ASIC2: variants seen among roughly 807,000 people sequenced by gnomAD.
The protein encoded by ASIC2 is acid-sensing ion channel 2.
Under a neutral mutation model 57.3 loss-of-function variants are expected in ASIC2, and 25 were observed. The observed-to-expected ratio is 0.44, with a 90% CI of 0.32 to 0.61. ASIC2 has a LOEUF of 0.61. Ranked by LOEUF, ASIC2 falls within the 20% of genes least tolerant of loss-of-function variation. The probability of loss-of-function intolerance (pLI) is 0.06; values close to 1 mark genes in which losing one functional copy is unlikely to be tolerated. For missense variants in ASIC2, 641 were observed against 738.1 expected (o/e 0.87, Z 1.52); for synonymous variants, 319 against 307.5 (o/e 1.04, Z -0.39).
At chr17:33,759,896 T>C (rs1281707677) in intron 1 of ASIC2, among the ~76,000 whole-genome samples, 2 of 152,150 alleles carry the variant, frequency 1.3e-5, no homozygotes. Context: ...CAGAGACTTG[T>C]TGCAGGGGTA....
intron 1 of ASIC2, among the ~76,000 whole-genome samples, chr17:34,024,357 G>A (rs1308854200): frequency 6.6e-6 from 1 of 152,232 alleles, no homozygotes; most frequent in Non-Finnish European, 1.5e-5. Flanking sequence ...TGCACAAGTG[G>A]ATCTTGGAGA....
At chr17:33,703,321 C>CTTTTTCT (rs10627497) in intron 1 of ASIC2, among the ~76,000 whole-genome samples, 19,380 of 143,518 alleles carry the variant, frequency 0.14, 1,314 homozygotes, top group Non-Finnish European at 0.15. Context: ...GTTTCTTTTT[C>CTTTTTCT]TTTTTTTTTT....
intron 3 of ASIC2, among the ~76,000 whole-genome samples, chr17:33,047,307 A>T (rs1347336062): frequency 6.6e-6 from 1 of 151,930 alleles, no homozygotes; most frequent in Non-Finnish European, 1.5e-5. Context: ...CATGTCTCAC[A>T]TGGGGCGGAG....
chr17:33,897,621 C>T (rs1027504575), intron 1 of ASIC2, among the ~76,000 whole-genome samples: 1 of 152,244 alleles, frequency 6.6e-6, no homozygotes, highest in African/African-American at 2.4e-5. Context: ...GCACTTGCAG[C>T]AAATGTACCC....
intron 1 of ASIC2, among the ~76,000 whole-genome samples, chr17:33,856,916 C>T (rs1380685246): frequency 6.6e-6 from 1 of 152,018 alleles, no homozygotes; most frequent in East Asian, 1.9e-4. Flanking sequence ...GGGTGACCTA[C>T]TGAGGAGTGT....
chr17:33,078,069 C>T (rs1451180086), intron 3 of ASIC2, among the ~76,000 whole-genome samples: 3 of 152,146 alleles, frequency 2.0e-5, no homozygotes, highest in Non-Finnish European at 4.4e-5. Flanking sequence ...TAACGTGACA[C>T]TGGGCAGCAG....
chr17:33,577,898 T>C (rs1010376612), intron 1 of ASIC2, among the ~76,000 whole-genome samples: 4 of 152,192 alleles, frequency 2.6e-5, no homozygotes, highest in Non-Finnish European at 5.9e-5. Flanking sequence ...GGTGTGTTCC[T>C]GGTGCTTGAG....
chr17:33,358,616 T>C (rs1313154977), intron 1 of ASIC2, among the ~76,000 whole-genome samples: 3 of 152,242 alleles, frequency 2.0e-5, no homozygotes, highest in Non-Finnish European at 4.4e-5. Context: ...TGAAACTCAT[T>C]ATTAAATAAG....
At chr17:33,311,012 G>T (rs1445121828) in intron 1 of ASIC2, among the ~76,000 whole-genome samples, 1 of 152,142 alleles carries the variant, frequency 6.6e-6, no homozygotes, top group Non-Finnish European at 1.5e-5. Flanking sequence ...ACACAGACCT[G>T]CCAGAGCCCC....
At chr17:33,266,034 C>T (rs1909445640) in intron 1 of ASIC2, among the ~76,000 whole-genome samples, 1 of 152,180 alleles carries the variant, frequency 6.6e-6, no homozygotes, top group Admixed American at 6.5e-5. Context: ...AGTTCCTTCC[C>T]ACCCAGAGCC....
intron 1 of ASIC2, among the ~76,000 whole-genome samples, chr17:33,626,815 T>G (rs527657224): frequency 6.6e-6 from 1 of 152,308 alleles, no homozygotes; most frequent in East Asian, 1.9e-4. Flanking sequence ...ATGCACCATT[T>G]CAGCGGCTTC....
intron 1 of ASIC2, among the ~76,000 whole-genome samples, chr17:33,533,288 G>A (rs1368503175): frequency 6.6e-6 from 1 of 151,632 alleles, no homozygotes; most frequent in Admixed American, 6.6e-5. Context: ...AGAGGTGGCA[G>A]TGAGCCAAAA....
chr17:33,774,500 C>T lies in ASIC2; in HGVS notation c.555+381478G>A, dbSNP rs183793605. Among the ~76,000 whole-genome samples the T allele has an allele frequency of 2.3e-3, 355 of 152,288 alleles. 5 individuals are homozygous for T. The highest frequency in any genetic ancestry group is 8.3e-3 in the African/African-American group (343 of 41,548). ...GTCACCACAGCTCATTTCAAGATGG[C>T]TGCTCCACCTCAGCCTGCCATCTCT... On this transcript the variant is annotated intron_variant, in intron 1 of 9. Coordinates refer to the ASIC2 transcript ENST00000359872.
chr17:33,323,034 AGAG>A (rs1279855630), intron 1 of ASIC2, among the ~76,000 whole-genome samples: 1 of 152,244 alleles, frequency 6.6e-6, no homozygotes, highest in African/African-American at 2.4e-5. Flanking sequence ...ACAAATAACC[AGAG>A]AATAATTTAA....
At chr17:33,851,689 T>G (rs1913769185) in intron 1 of ASIC2, among the ~76,000 whole-genome samples, 1 of 152,330 alleles carries the variant, frequency 6.6e-6, no homozygotes, top group South Asian at 2.1e-4. Flanking sequence ...AGCTCATCCC[T>G]GGCCTCTACC....
At chr17:33,150,948 T>A (rs1904766010) in intron 1 of ASIC2, among the ~76,000 whole-genome samples, 1 of 151,756 alleles carries the variant, frequency 6.6e-6, no homozygotes, top group Non-Finnish European at 1.5e-5. Flanking sequence ...GAGAATTGCT[T>A]GAACCCAGGA....
At chr17:34,144,309 C>A (rs1033692100) in intron 1 of ASIC2, among the ~76,000 whole-genome samples, 2 of 152,134 alleles carry the variant, frequency 1.3e-5, no homozygotes, top group African/African-American at 4.8e-5. Context: ...AATAAAAGAA[C>A]TTTTATTTGT....
At chr17:34,109,165 GTCTTT>G (rs1205414886) in intron 1 of ASIC2, among the ~76,000 whole-genome samples, 3 of 151,692 alleles carry the variant, frequency 2.0e-5, no homozygotes, top group South Asian at 2.1e-4. Flanking sequence ...AGTTAGTTGC[GTCTTT>G]TCTTATCTTT....
chr17:33,398,468 T>A (rs1179604168), intron 1 of ASIC2, among the ~76,000 whole-genome samples: 5 of 152,170 alleles, frequency 3.3e-5, no homozygotes, highest in African/African-American at 1.2e-4. Flanking sequence ...ATGGTAGCAG[T>A]CATTGTGGTT....
Sources: allele counts gnomAD v4.1 joint callset (sites outside exome capture counted in the v4.1 genomes callset), GRCh38; gene constraint gnomAD v4.1.1; transcripts MANE v1.5; gene names NCBI Gene and HGNC (gene_info 2026-07-23, HGNC 2026-07-21).